RARB: variants seen among roughly 807,000 people sequenced by gnomAD.
The protein encoded by RARB is HBV-activated protein.
A neutral mutation model predicts 51.9 loss-of-function variants in RARB; 17 were observed. The observed-to-expected ratio is 0.33, with a 90% CI of 0.22 to 0.49. The LOEUF (loss-of-function observed/expected upper bound fraction) is 0.49. Ranked by LOEUF, RARB falls within the 20% of genes least tolerant of loss-of-function variation. RARB has a pLI of 0.99. For missense variants in RARB, 369 were observed against 550.8 expected, an observed-to-expected ratio of 0.67 and a Z score of 3.30; for synonymous variants, 215 against 195.4, an observed-to-expected ratio of 1.10 and a Z score of -0.84.
chr3:25,141,341 C>T (rs115530914), intron 4 of RARB, among the ~76,000 whole-genome samples: 1,838 of 151,974 alleles, frequency 0.012, 34 homozygotes, highest in African/African-American at 0.041. Flanking sequence ...GAATTAACTT[C>T]GGGTTCCTTT....
At chr3:25,274,480 A>C (rs1212639772) in intron 5 of RARB, among the ~76,000 whole-genome samples, 3 of 152,168 alleles carry the variant, frequency 2.0e-5, no homozygotes, top group Non-Finnish European at 2.9e-5. Context: ...GTGATCAGGA[A>C]GGCCTCTCCT....
Position 25,536,552 on chromosome 3 carries a change from G to A in RARB, c.449-33206G>A, listed in dbSNP as rs115662752. Among the ~76,000 whole-genome samples, 3 of 152,160 alleles carry A rather than the reference G, an allele frequency of 2.0e-5. No homozygotes were observed. In the East Asian group the frequency reaches 5.8e-4, roughly 29 times the overall value. On this transcript the variant is annotated intron_variant, in intron 3 of 7. Coordinates refer to ENST00000330688, the MANE Select transcript of RARB (RefSeq NM_000965.5). Reference sequence around the variant, plus strand: ...ATGTTTTAAATCAAACCATTCGTTAGAAAGTAGAGTACAAACCTAGATAAG... The same window carrying A: ...ATGTTTTAAATCAAACCATTCGTTAAAAAGTAGAGTACAAACCTAGATAAG...
intron 5 of RARB, among the ~76,000 whole-genome samples, chr3:25,191,716 C>T (rs1701109238): frequency 2.0e-5 from 3 of 152,066 alleles, no homozygotes; most frequent in Non-Finnish European, 4.4e-5. Flanking sequence ...GAAATGGCAC[C>T]TCCCAAACCA....
intron 2 of RARB, among the ~76,000 whole-genome samples, chr3:24,908,376 G>C (rs1219202504): frequency 2.0e-5 from 3 of 152,116 alleles, no homozygotes; most frequent in African/African-American, 7.2e-5. Context: ...TAGAAGAAGA[G>C]ATTACAGTCA....
At chr3:24,932,980 G>C (rs1213936380) in intron 2 of RARB, among the ~76,000 whole-genome samples, 2 of 151,926 alleles carry the variant, frequency 1.3e-5, no homozygotes, top group Non-Finnish European at 2.9e-5. Flanking sequence ...CATTTAAGTG[G>C]GCAGAATAAA....
In RARB at chr3:25,486,379, A is replaced by C. The variant is rs1696468720; in HGVS notation, c.307-14803A>C. 2.0e-5 allele frequency among the ~76,000 whole-genome samples: 3 copies of C among 152,240 alleles called. 1 individual carries two copies. In the South Asian group the frequency reaches 6.2e-4, roughly 31 times the overall value. On this transcript the variant is annotated intron_variant, in intron 2 of 7. Coordinates refer to ENST00000330688, the MANE Select transcript of RARB (RefSeq NM_000965.5). ...ACAAAGCCAGTTAAAGGAAGAAAGTAGACTAGCTTAGAGCCCTTTGGACTT... is the reference window on the plus strand; with the variant it reads ...ACAAAGCCAGTTAAAGGAAGAAAGTCGACTAGCTTAGAGCCCTTTGGACTT...
At chr3:25,264,215 C>A (rs895547211) in intron 5 of RARB, among the ~76,000 whole-genome samples, 1 of 151,884 alleles carries the variant, frequency 6.6e-6, no homozygotes, top group African/African-American at 2.4e-5. Flanking sequence ...TAAACTGTAA[C>A]CTGAATGGTT....
At chr3:25,242,118 G>C (rs1410978815) in intron 5 of RARB, among the ~76,000 whole-genome samples, 1 of 152,102 alleles carries the variant, frequency 6.6e-6, no homozygotes, top group African/African-American at 2.4e-5. Context: ...CTTTTCAAAA[G>C]CATCTGTTCA....
At chr3:25,006,876 A>T (rs1697282648) in intron 2 of RARB, among the ~76,000 whole-genome samples, 1 of 152,122 alleles carries the variant, frequency 6.6e-6, no homozygotes, top group Non-Finnish European at 1.5e-5. Context: ...TTAACAACAA[A>T]TTTTTTATGT....
intron 2 of RARB, among the ~76,000 whole-genome samples, chr3:24,937,729 G>A (rs1410818206): frequency 1.3e-5 from 2 of 152,184 alleles, no homozygotes; most frequent in Non-Finnish European, 2.9e-5. Context: ...TTATGCAGCA[G>A]AGGACACACG....
At chr3:25,303,770 G>T (rs764877736) in intron 5 of RARB, among the ~76,000 whole-genome samples, 1 of 152,162 alleles carries the variant, frequency 6.6e-6, no homozygotes, top group African/African-American at 2.4e-5. Flanking sequence ...GCTGCTTTGA[G>T]CACCGTAGAG....
intron 3 of RARB, among the ~76,000 whole-genome samples, chr3:25,130,843 C>T (rs1044244289): frequency 2.0e-5 from 3 of 148,112 alleles, no homozygotes; most frequent in African/African-American, 7.8e-5. Flanking sequence ...TCTCTGCTTC[C>T]ACCTCATATA....
At chr3:25,579,776 G>A (rs949009915) in intron 4 of RARB, among the ~76,000 whole-genome samples, 8 of 152,126 alleles carry the variant, frequency 5.3e-5, no homozygotes, top group East Asian at 3.9e-4. Context: ...GTAGTTTACC[G>A]TGTCCCTGGA....
At chr3:25,485,213 T>C (rs963076654) in intron 2 of RARB, among the ~76,000 whole-genome samples, 3 of 152,218 alleles carry the variant, frequency 2.0e-5, no homozygotes, top group African/African-American at 7.2e-5. Flanking sequence ...GTGGCCACCT[T>C]ATATAACTCG....
chr3:25,213,435 G>GAAT (rs1289808934), intron 5 of RARB, among the ~76,000 whole-genome samples: 1 of 151,996 alleles, frequency 6.6e-6, no homozygotes, highest in Non-Finnish European at 1.5e-5. Context: ...TCCATTGTAT[G>GAAT]AATATACCAC....
intron 5 of RARB, among the ~76,000 whole-genome samples, chr3:25,219,635 C>G (rs1344969560): frequency 6.6e-6 from 1 of 152,172 alleles, no homozygotes; most frequent in Admixed American, 6.5e-5. Context: ...CACCACTCCC[C>G]AAGCCCAAAC....
upstream of RARB, among the ~76,000 whole-genome samples, chr3:25,424,807 C>G (rs1228650187): frequency 6.6e-6 from 1 of 152,208 alleles, no homozygotes; most frequent in Non-Finnish European, 1.5e-5. Context: ...AGAAAACTCT[C>G]CAGTTCAAAC....
At chr3:25,323,981 A>G (rs1704640987) in intron 5 of RARB, among the ~76,000 whole-genome samples, 1 of 152,218 alleles carries the variant, frequency 6.6e-6, no homozygotes, top group African/African-American at 2.4e-5. Flanking sequence ...ACTAGAAAGC[A>G]AAAGTAAACA....
At chr3:25,163,114 G>A (rs1436501370) in intron 4 of RARB, among the ~76,000 whole-genome samples, 1 of 152,134 alleles carries the variant, frequency 6.6e-6, no homozygotes, top group Non-Finnish European at 1.5e-5. Flanking sequence ...CCCTAATAGT[G>A]GGCTGAATGT....
Sources: allele counts gnomAD v4.1 joint callset (sites outside exome capture counted in the v4.1 genomes callset), GRCh38; gene constraint gnomAD v4.1.1; transcripts MANE v1.5; gene names NCBI Gene and HGNC (gene_info 2026-07-23, HGNC 2026-07-21).